PDE3B: variants seen among roughly 807,000 people sequenced by gnomAD.
The protein encoded by PDE3B is cGMP-inhibited 3',5'-cyclic phosphodiesterase 3B.
Under a neutral mutation model 116.8 loss-of-function variants are expected in PDE3B, and 66 were observed. The ratio of observed to expected loss-of-function variants is 0.56; its 90% CI spans 0.46 to 0.69. The LOEUF is 0.69. PDE3B is among the 30% of genes least tolerant of loss of function. The pLI is 0.00. For synonymous variants in PDE3B, 595 were observed against 533.6 expected (o/e 1.12, Z -1.59); for missense variants, 1,384 against 1,368.1 (o/e 1.01, Z -0.18).
intron 12 of PDE3B, among the ~76,000 whole-genome samples, chr11:14,844,881 C>T (rs1847559738): frequency 6.6e-6 from 1 of 152,238 alleles, no homozygotes; most frequent in Non-Finnish European, 1.5e-5. Flanking sequence ...GGCCTGCCTG[C>T]CTCTGTAGGC....
chr11:14,834,965 C>T lies in PDE3B; in HGVS notation c.2207-17C>T, dbSNP rs117713222. Reference sequence around the variant, plus strand: ...TTGTGTGTTAAACCTAACAGAAAAACGTTTTGGTGACTTTAGATCACAATC... The same window carrying T: ...TTGTGTGTTAAACCTAACAGAAAAATGTTTTGGTGACTTTAGATCACAATC... On this transcript the variant is annotated splice_polypyrimidine_tract_variant and intron_variant, in intron 10 of 15. Transcript: ENST00000282096. The T allele has an allele frequency of 4.0e-5, 59 of 1,479,544 alleles. No homozygotes were observed. Among genetic ancestry groups the T allele is most frequent in the Non-Finnish European group, 4.5e-5 (48 of 1,070,130 alleles). 91.7% of individuals were successfully genotyped at this position (1,479,544 alleles called of 1,614,324 possible).
At chr11:14,894,042 G>A in the PDE3B span, among the ~76,000 whole-genome samples, 5 of 152,124 alleles carry the variant, frequency 3.3e-5, no homozygotes, top group East Asian at 1.9e-4. Context: ...AGGACACTGC[G>A]GAAGTCAGCA....
At chr11:14,882,999 G>T in the PDE3B span, among the ~76,000 whole-genome samples, 1 of 152,084 alleles carries the variant, frequency 6.6e-6, no homozygotes, top group African/African-American at 2.4e-5. Context: ...CCTCTTCAAG[G>T]AGAACTACAA....
chr11:14,644,264 G>C lies in PDE3B; in HGVS notation c.189G>C (p.Pro63=), dbSNP rs772997926. The part of the protein sequence containing the change: ...RFCNVELRPP[P]ASPQQPRRCS... Reference sequence around the variant, plus strand: ...GCAACGTGGAGCTGCGGCCGCCGCCGGCCTCTCCCCAGCAGCCGCGGCGCT... The same window carrying C: ...GCAACGTGGAGCTGCGGCCGCCGCCCGCCTCTCCCCAGCAGCCGCGGCGCT... The change falls in exon 1 of 16, where the codon CCG becomes CCC. Residue 63 remains proline, a synonymous_variant. Coordinates refer to ENST00000282096, the MANE Select transcript of PDE3B (RefSeq NM_000922.4). 1 of 1,568,974 alleles carries C rather than the reference G, an allele frequency of 6.4e-7. No individual in the cohort carries two copies.
chr11:14,813,417 C>A (rs1357336145), intron 5 of PDE3B, among the ~76,000 whole-genome samples: 1 of 152,142 alleles, frequency 6.6e-6, no homozygotes, highest in Non-Finnish European at 1.5e-5. Flanking sequence ...ATCTTCATTG[C>A]CAGCAATGTC....
At chr11:14,800,714 T>C (rs1858728617) in intron 4 of PDE3B, among the ~76,000 whole-genome samples, 1 of 152,200 alleles carries the variant, frequency 6.6e-6, no homozygotes, top group African/African-American at 2.4e-5. Context: ...TCTTGTTAGG[T>C]TGGGGATGTT....
At chr11:14,725,267 C>CTCTTTCTTTTTCTT (rs543563322) in intron 1 of PDE3B, among the ~76,000 whole-genome samples, 10 of 151,530 alleles carry the variant, frequency 6.6e-5, no homozygotes, top group East Asian at 5.8e-4. Flanking sequence ...TTCTTTCTTT[C>CTCTTTCTTTTTCTT]TCTTTCTTTT....
At chr11:14,830,667 C>T in intron 7 of PDE3B, 31 bp from the exon 8 acceptor site, 1 of 1,092,514 alleles carries the variant, frequency 9.2e-7, no homozygotes, top group Non-Finnish European at 1.3e-6. Context: ...ACATTTTACT[C>T]CTATATATTA....
intron 1 of PDE3B, among the ~76,000 whole-genome samples, chr11:14,741,054 G>A (rs1031616838): frequency 6.6e-6 from 1 of 151,762 alleles, no homozygotes; most frequent in African/African-American, 2.4e-5. Flanking sequence ...ATGCGATGTG[G>A]TGCTGAGAAG....
At chr11:14,829,922 C>A (rs904767382) in intron 7 of PDE3B, among the ~76,000 whole-genome samples, 1 of 152,068 alleles carries the variant, frequency 6.6e-6, no homozygotes, top group Non-Finnish European at 1.5e-5. Flanking sequence ...CAATCATATG[C>A]CCCAAAGATA....
chr11:14,879,425 ATC>A, the PDE3B span: 1 of 1,602,920 alleles, frequency 6.2e-7, no homozygotes, highest in African/African-American at 1.3e-5. Context: ...AATTAAATCA[ATC>A]TCTTTCTGAA....
rs1475630949 is a variant in PDE3B, at chr11:14,723,529, G to A, written c.979-48408G>A. 2.0e-5 allele frequency among the ~76,000 whole-genome samples: 3 copies of A among 152,106 alleles called. No individual in the cohort carries two copies. In the East Asian group the frequency reaches 5.8e-4, roughly 29 times the overall value. Reference sequence around the variant, plus strand: ...AGCAATTTTGGAGGCTAAGGTGGGAGGATCGCCTGAGGCCAGGAGTTTGAG... The same window carrying A: ...AGCAATTTTGGAGGCTAAGGTGGGAAGATCGCCTGAGGCCAGGAGTTTGAG... On this transcript the variant is annotated intron_variant, in intron 1 of 15. Transcript: ENST00000282096.
At chr11:14,706,459 T>G (rs1031914349) in intron 1 of PDE3B, among the ~76,000 whole-genome samples, 3 of 151,912 alleles carry the variant, frequency 2.0e-5, no homozygotes, top group African/African-American at 7.2e-5. Context: ...TTCTCATTTG[T>G]AAGACAACAA....
chr11:14,892,545 C>G, the PDE3B span, among the ~76,000 whole-genome samples: 1 of 152,218 alleles, frequency 6.6e-6, no homozygotes, highest in African/African-American at 2.4e-5. Context: ...GATCCTGCCT[C>G]TCTGGGGCCA....
intron 7 of PDE3B, among the ~76,000 whole-genome samples, chr11:14,822,048 A>G (rs1859531303): frequency 6.6e-6 from 1 of 152,024 alleles, no homozygotes; most frequent in Non-Finnish European, 1.5e-5. Context: ...TTGGGACTAC[A>G]GCACCATGCC....
At chr11:14,853,318 G>A (rs1307878863) in intron 12 of PDE3B, among the ~76,000 whole-genome samples, 1 of 152,092 alleles carries the variant, frequency 6.6e-6, no homozygotes, top group Non-Finnish European at 1.5e-5. Context: ...TTCCACAAGG[G>A]CAGGGATTTT....
intron 1 of PDE3B, among the ~76,000 whole-genome samples, chr11:14,686,280 C>T (rs183077066): frequency 6.6e-6 from 1 of 152,204 alleles, no homozygotes; most frequent in Admixed American, 6.5e-5. Flanking sequence ...TATTTTCAAC[C>T]CTTATGTGCT....
intron 3 of PDE3B, 27 bp downstream of exon 3, chr11:14,786,712 T>C (rs751323527): frequency 1.3e-6 from 2 of 1,547,086 alleles, no homozygotes; most frequent in Non-Finnish European, 1.8e-6. Flanking sequence ...CATCTAACCC[T>C]ATTTATCAAA....
At chr11:14,864,251 C>A (rs782562390) in intron 14 of PDE3B, among the ~76,000 whole-genome samples, 8 of 152,142 alleles carry the variant, frequency 5.3e-5, no homozygotes, top group Non-Finnish European at 1.0e-4. Context: ...TCAAGAACAG[C>A]TAACTATCCT....
Sources: gnomAD v4.1 joint callset for allele counts (sites outside exome capture counted in the v4.1 genomes callset) on GRCh38, gnomAD v4.1.1 for gene constraint, MANE v1.5 for transcripts, NCBI Gene and HGNC (gene_info 2026-07-23, HGNC 2026-07-21) for gene names.